The following CDK17 variants were observed in gnomAD, a reference collection of about 807,000 sequenced individuals.
The protein encoded by CDK17 is cyclin dependent kinase 17.
A neutral mutation model predicts 77.6 loss-of-function variants in CDK17; 24 were observed. The ratio of observed to expected loss-of-function variants is 0.31; its 90% CI spans 0.22 to 0.44. The LOEUF is 0.44. Ranked by LOEUF, CDK17 falls within the 20% of genes least tolerant of loss-of-function variation. The pLI, the probability that CDK17 is intolerant of heterozygous loss-of-function variation, is 1.00. For missense variants in CDK17, 429 were observed against 622.5 expected (o/e 0.69, Z 3.31); for synonymous variants, 203 against 210.4 (o/e 0.96, Z 0.30).
rs147593071 is a variant in CDK17 at position 96,286,700 on chromosome 12, C to T, written c.1180G>A (p.Val394Met). 3.5e-5 allele frequency: 57 copies of T among 1,613,312 alleles called. 1 individual carries two copies. The highest frequency in any genetic ancestry group is 1.6e-4 in the South Asian group (15 of 91,044). Residue 394 changes from valine to methionine, a missense_variant, in exon 12 of 17, where the codon GTG becomes ATG. Coordinates refer to ENST00000261211, the MANE Select transcript of CDK17 (RefSeq NM_002595.5). ...AAAATTAAGTGCAGTTCATCTTCCA[C>T]GGTTGATCCTGGAAATAAAGGTCTT... is the stretch of plus-strand genomic sequence containing the variant. ...SGRPLFPGST[V>M]EDELHLIFRL...
At position 96,295,135 on chromosome 12, in the gene CDK17, A is replaced by G; in HGVS notation, c.874-13T>C. ...GGTACAGAAACAGCTACAGAAACAA[A>G]TAAATAAAAATTAGTCTTAAAGATG... On this transcript the variant is annotated splice_polypyrimidine_tract_variant and intron_variant, in intron 9 of 16. Coordinates refer to ENST00000261211, the MANE Select transcript of CDK17 (RefSeq NM_002595.5). The G allele has an allele frequency of 3.2e-6, 5 of 1,584,656 alleles. No homozygotes were observed. Among genetic ancestry groups the G allele is most frequent in the Non-Finnish European group, 4.3e-6 (5 of 1,167,532 alleles).
chr12:96,300,394 C>CTTTTTTTTTT, intron 5 of CDK17, 34 bp from the exon 6 acceptor site: 2 of 924,834 alleles, frequency 2.2e-6, no homozygotes, highest in Non-Finnish European at 3.2e-6. Context: ...GTAGTATTTA[C>CTTTTTTTTTT]TTTTTTTTTT....
chr12:96,390,209 T>C (rs1441279679), intron 1 of CDK17, among the ~76,000 whole-genome samples: 1 of 150,112 alleles, frequency 6.7e-6, no homozygotes, highest in African/African-American at 2.4e-5. Flanking sequence ...TGGAGTGCAG[T>C]GTGGCGATGT....
intron 2 of CDK17, 83 bp downstream of exon 2, chr12:96,334,635 TG>T: frequency 1.4e-6 from 1 of 739,554 alleles, no homozygotes; most frequent in South Asian, 1.7e-5. Flanking sequence ...GAAGCTATTA[TG>T]AACTTATCTA....
intron 11 of CDK17, among the ~76,000 whole-genome samples, chr12:96,287,146 A>G (rs541407549): frequency 6.6e-5 from 10 of 152,310 alleles, no homozygotes; most frequent in Non-Finnish European, 1.2e-4. Context: ...GTGGGGAAAA[A>G]CAACTGAAGA....
chr12:96,285,098 G>A (rs1456420413), intron 13 of CDK17, among the ~76,000 whole-genome samples: 1 of 152,068 alleles, frequency 6.6e-6, no homozygotes, highest in Non-Finnish European at 1.5e-5. Context: ...CTGCTTCAAA[G>A]AAAAGCTTCA....
chr12:96,298,015 G>A (rs1952435587), intron 7 of CDK17, among the ~76,000 whole-genome samples: 1 of 152,118 alleles, frequency 6.6e-6, no homozygotes, highest in South Asian at 2.1e-4. Context: ...TGGAGGCTGG[G>A]CACGGTGGCT....
chr12:96,357,513 T>A (rs7973336), intron 1 of CDK17, among the ~76,000 whole-genome samples: 65,428 of 151,980 alleles, frequency 0.43, 15,135 homozygotes, highest in African/African-American at 0.59. Flanking sequence ...ATCTCAGTTA[T>A]GTGATGAACA....
At chr12:96,303,228 G>A (rs1177797281) in intron 5 of CDK17, 1 of 152,104 alleles carries the variant, frequency 6.6e-6, no homozygotes, top group Non-Finnish European at 1.5e-5. Flanking sequence ...AGAGAAGACA[G>A]ACATGATTCC....
chr12:96,391,298 T>C (rs1020779978), intron 1 of CDK17, among the ~76,000 whole-genome samples: 1 of 149,918 alleles, frequency 6.7e-6, no homozygotes, highest in Admixed American at 6.6e-5. Context: ...TTTTTTTTCT[T>C]TTTTTTTTTG....
intron 1 of CDK17, among the ~76,000 whole-genome samples, chr12:96,395,470 T>G (rs1308538566): frequency 6.6e-6 from 1 of 152,214 alleles, no homozygotes; most frequent in Non-Finnish European, 1.5e-5. Context: ...AACAATGACT[T>G]AACCTAAGGT....
intron 1 of CDK17, among the ~76,000 whole-genome samples, chr12:96,335,742 C>G (rs1237054675): frequency 6.6e-6 from 1 of 152,176 alleles, no homozygotes; most frequent in Admixed American, 6.6e-5. Context: ...CTTACAGGTA[C>G]ATAAATTAAT....
intron 5 of CDK17, among the ~76,000 whole-genome samples, chr12:96,304,010 G>C (rs915705363): frequency 6.6e-6 from 1 of 152,162 alleles, no homozygotes; most frequent in Non-Finnish European, 1.5e-5. Flanking sequence ...CAGAGTAAGA[G>C]ATCAACTAAT....
Position 96,278,664 on chromosome 12 carries a change from G to A in CDK17, c.*1578C>T, listed in dbSNP as rs1309732650. The A allele has an allele frequency of 6.6e-6, 1 of 152,480 alleles. No homozygotes were observed. Among genetic ancestry groups the A allele is most frequent in the East Asian group, 1.9e-4 (1 of 5,202 alleles). The allele number at this position is 152,480 out of a possible 1,614,324, so 9.4% of individuals were successfully genotyped here. A position where few individuals can be genotyped will look rare whatever the true frequency, so the allele number is the denominator to read the frequency against. ...TTAATACATGTCTGTCAGTTAGAAA[G>A]AACAGCAGTTTGTTAGGCTACAAGG... On this transcript the variant is annotated 3_prime_UTR_variant, in exon 17 of 17. Transcript: ENST00000261211.
At chr12:96,351,789 A>G (rs1953316589) in intron 1 of CDK17, among the ~76,000 whole-genome samples, 1 of 152,210 alleles carries the variant, frequency 6.6e-6, no homozygotes, top group African/African-American at 2.4e-5. Flanking sequence ...CTTTACTGAA[A>G]TAATTGGCTA....
intron 10 of CDK17, among the ~76,000 whole-genome samples, chr12:96,290,150 G>C (rs1030115031): frequency 6.6e-6 from 1 of 152,212 alleles, no homozygotes; most frequent in African/African-American, 2.4e-5. Flanking sequence ...CAAGCTTGCT[G>C]TAAGTGATAT....
intron 7 of CDK17, 72 bp from the exon 8 acceptor site, chr12:96,297,793 C>T (rs968628332): frequency 1.7e-5 from 14 of 800,734 alleles, no homozygotes; most frequent in Non-Finnish European, 2.3e-5. Flanking sequence ...GTTGAACATA[C>T]GAACTGATTA....
intron 1 of CDK17, among the ~76,000 whole-genome samples, chr12:96,359,813 A>C (rs895042588): frequency 5.3e-5 from 8 of 152,226 alleles, no homozygotes; most frequent in African/African-American, 1.9e-4. Flanking sequence ...CAAAATTCTG[A>C]AAGACAGAAA....
chr12:96,280,045 C>A lies in CDK17; in HGVS notation c.*197G>T, dbSNP rs1565800154. 1 of 513,842 alleles carries A rather than the reference C, an allele frequency of 1.9e-6. No individual in the cohort carries two copies. The allele number at this position is 513,842 out of a possible 1,614,324, so 31.8% of individuals were successfully genotyped here. A position where few individuals can be genotyped will look rare whatever the true frequency, so the allele number is the denominator to read the frequency against. ...ATGGCAGAGAAGACCTTAAAACCGA[C>A]TGTACAAAAAATTGTCACACTGTGA... On this transcript the variant is annotated 3_prime_UTR_variant, in exon 17 of 17. Coordinates refer to ENST00000261211, the MANE Select transcript of CDK17 (RefSeq NM_002595.5).
Sources: allele counts gnomAD v4.1 joint callset (sites outside exome capture counted in the v4.1 genomes callset), GRCh38; gene constraint gnomAD v4.1.1; transcripts MANE v1.5; gene names NCBI Gene and HGNC (gene_info 2026-07-23, HGNC 2026-07-21).